DAPK1: variants seen among roughly 807,000 people sequenced by gnomAD.
DAPK1 encodes the protein death associated protein kinase 1.
DAPK1 carries 56 observed loss-of-function variants against 144.9 expected under a neutral mutation model. That is an observed-to-expected ratio of 0.39 (90% CI 0.31 to 0.48). The LOEUF (loss-of-function observed/expected upper bound fraction) is 0.48. Among genes scored for constraint, DAPK1 ranks in the 20% least tolerant of loss-of-function variants. The pLI is 0.95. For synonymous variants in DAPK1, 690 were observed against 749.0 expected, an observed-to-expected ratio of 0.92 and a Z score of 1.29; for missense variants, 1,454 against 1,875.4, an observed-to-expected ratio of 0.78 and a Z score of 4.15.
chr9:87,590,473 A>G (rs527724610), intron 2 of DAPK1, among the ~76,000 whole-genome samples: 1 of 151,970 alleles, frequency 6.6e-6, no homozygotes, highest in Non-Finnish European at 1.5e-5. Flanking sequence ...CTGATCAGCC[A>G]TTTTAACCCT....
intron 2 of DAPK1, among the ~76,000 whole-genome samples, chr9:87,596,030 C>G (rs899350574): frequency 1.3e-5 from 2 of 151,834 alleles, no homozygotes; most frequent in African/African-American, 4.8e-5. Flanking sequence ...TATTGCTTTC[C>G]TCTGCCTCGT....
intron 18 of DAPK1, among the ~76,000 whole-genome samples, chr9:87,661,095 C>T (rs1219864259): frequency 6.6e-6 from 1 of 152,236 alleles, no homozygotes; most frequent in Non-Finnish European, 1.5e-5. Flanking sequence ...ACCTTGGCCT[C>T]CCAAAGTGCT....
chr9:87,518,023 A>G (rs1825127341), intron 2 of DAPK1, among the ~76,000 whole-genome samples: 1 of 152,010 alleles, frequency 6.6e-6, no homozygotes, highest in South Asian at 2.1e-4. Context: ...GGTTTCTGAA[A>G]GAAAGCAGCA....
At chr9:87,650,201 C>G in intron 16 of DAPK1, 83 bp downstream of exon 16, 1 of 1,410,426 alleles carries the variant, frequency 7.1e-7, no homozygotes, top group South Asian at 1.2e-5. Context: ...GTTTGTTTCC[C>G]TAAGATAACA....
At chr9:87,498,688 A>C in intron 1 of DAPK1, 1 of 395,400 alleles carries the variant, frequency 2.5e-6, no homozygotes. Context: ...CGGGGAGGCC[A>C]GTCACTTCCG....
intron 16 of DAPK1, among the ~76,000 whole-genome samples, chr9:87,650,750 ATAATG>A (rs1239491312): frequency 2.6e-5 from 4 of 152,192 alleles, no homozygotes; most frequent in African/African-American, 7.2e-5. Flanking sequence ...GGGGTGTTTG[ATAATG>A]TCTGGGGATA....
intron 21 of DAPK1, among the ~76,000 whole-genome samples, chr9:87,693,146 A>G (rs1314181289): frequency 2.0e-5 from 3 of 151,142 alleles, no homozygotes; most frequent in Non-Finnish European, 4.4e-5. Context: ...AGTTTTTAAC[A>G]ATTATTTTAA....
At chr9:87,621,638 A>G (rs997991801) in intron 3 of DAPK1, among the ~76,000 whole-genome samples, 1 of 152,074 alleles carries the variant, frequency 6.6e-6, no homozygotes, top group Non-Finnish European at 1.5e-5. Flanking sequence ...AGTTCTTTGG[A>G]TGTTGAACAT....
intron 24 of DAPK1, among the ~76,000 whole-genome samples, chr9:87,701,501 G>A (rs1477386063): frequency 1.3e-5 from 2 of 152,126 alleles, no homozygotes; most frequent in Non-Finnish European, 2.9e-5. Flanking sequence ...AAAGTTGAAA[G>A]GTGAAATAGG....
At chr9:87,644,673 G>T (rs1270239496) in intron 11 of DAPK1, among the ~76,000 whole-genome samples, 1 of 152,170 alleles carries the variant, frequency 6.6e-6, no homozygotes, top group Non-Finnish European at 1.5e-5. Flanking sequence ...AAGATAATGA[G>T]AATGATTAAA....
At chr9:87,592,404 T>A (rs992756113) in intron 2 of DAPK1, among the ~76,000 whole-genome samples, 1 of 152,222 alleles carries the variant, frequency 6.6e-6, no homozygotes, top group Non-Finnish European at 1.5e-5. Flanking sequence ...GATGATCACT[T>A]CATATCCCAT....
rs531720924 is a variant in DAPK1 at position 87,595,818 on chromosome 9, C to G, written c.63-9136C>G. Among the ~76,000 whole-genome samples the G allele has an allele frequency of 2.0e-5, 3 of 152,242 alleles. No individual in the cohort carries two copies. In the South Asian group the frequency reaches 6.2e-4, roughly 32 times the overall value. On this transcript the variant is annotated intron_variant, in intron 2 of 25. Transcript: ENST00000408954. ...TGTGTTGTTCTGGTTCCCAGGGTGA[C>G]GGACTGCTGTTTATCCCCTCAGTAA...
At chr9:87,660,869 CAG>C (rs1411265727) in intron 18 of DAPK1, among the ~76,000 whole-genome samples, 8 of 152,198 alleles carry the variant, frequency 5.3e-5, no homozygotes, top group Non-Finnish European at 7.4e-5. Context: ...TTTTTTGAGA[CAG>C]AGTCTCGCTC....
At chr9:87,629,290 G>A (rs893011680) in intron 3 of DAPK1, among the ~76,000 whole-genome samples, 8 of 152,128 alleles carry the variant, frequency 5.3e-5, no homozygotes, top group African/African-American at 1.9e-4. Flanking sequence ...GGATGGGAAT[G>A]CTCGTCTACA....
intron 2 of DAPK1, among the ~76,000 whole-genome samples, chr9:87,518,636 C>T (rs1383535940): frequency 1.3e-5 from 2 of 152,060 alleles, no homozygotes; most frequent in South Asian, 2.1e-4. Context: ...GTCTTTTTAG[C>T]CTGTTATCTG....
chr9:87,515,548 A>G (rs751191114), intron 2 of DAPK1, among the ~76,000 whole-genome samples: 82 of 152,266 alleles, frequency 5.4e-4, no homozygotes, highest in Non-Finnish European at 9.7e-4. Flanking sequence ...GGTGGGAGCC[A>G]TGAGGAGGCA....
chr9:87,671,881 G>T (rs1824174274), intron 19 of DAPK1, among the ~76,000 whole-genome samples: 1 of 152,260 alleles, frequency 6.6e-6, no homozygotes, highest in South Asian at 2.1e-4. Flanking sequence ...CCAGTGAAAA[G>T]TCCCCCCTCA....
chr9:87,530,021 T>C (rs1476141401), intron 2 of DAPK1, among the ~76,000 whole-genome samples: 1 of 152,206 alleles, frequency 6.6e-6, no homozygotes, highest in African/African-American at 2.4e-5. Flanking sequence ...CTTCCTTAGA[T>C]ATCTGTGCAG....
intron 18 of DAPK1, among the ~76,000 whole-genome samples, chr9:87,662,571 T>TTTTG (rs1284356876): frequency 3.3e-5 from 4 of 121,306 alleles, no homozygotes; most frequent in Non-Finnish European, 7.0e-5. Flanking sequence ...TTTTTTTTTT[T>TTTTG]TTTTTTTTTT....
Sources: gnomAD v4.1 joint callset for allele counts (sites outside exome capture counted in the v4.1 genomes callset) on GRCh38, gnomAD v4.1.1 for gene constraint, MANE v1.5 for transcripts, NCBI Gene and HGNC (gene_info 2026-07-23, HGNC 2026-07-21) for gene names.